The following KAZN variants were observed in gnomAD, a reference collection of about 807,000 sequenced individuals.
The protein encoded by KAZN is kazrin.
Under a neutral mutation model 87.4 loss-of-function variants are expected in KAZN, and 40 were observed. The observed-to-expected ratio is 0.46, with a 90% confidence interval of 0.36 to 0.60. The LOEUF (loss-of-function observed/expected upper bound fraction) is 0.60. Ranked by LOEUF, KAZN falls within the 20% of genes least tolerant of loss-of-function variation. The pLI is 0.00. For missense variants in KAZN, 898 were observed against 1,073.9 expected (o/e 0.84, Z 2.29); for synonymous variants, 466 against 458.3 (o/e 1.02, Z -0.22).
intron 2 of KAZN, among the ~76,000 whole-genome samples, chr1:15,001,115 A>T (rs955646479): frequency 6.6e-6 from 1 of 151,916 alleles, no homozygotes; most frequent in African/African-American, 2.4e-5. Flanking sequence ...AAAAATAAAT[A>T]AAAATCCCAG....
intron 1 of KAZN, among the ~76,000 whole-genome samples, chr1:14,824,063 G>A (rs1004919586): frequency 6.7e-6 from 1 of 149,292 alleles, no homozygotes; most frequent in Non-Finnish European, 1.5e-5. Flanking sequence ...GCAGTGAGCC[G>A]AGATTGCACC....
intron 1 of KAZN, among the ~76,000 whole-genome samples, chr1:14,121,398 G>T (rs902316473): frequency 6.6e-6 from 1 of 152,190 alleles, no homozygotes; most frequent in East Asian, 1.9e-4. Flanking sequence ...GGGCAGTGGG[G>T]CGGCGGGGGT....
chr1:14,061,075 C>T (rs574524420), intron 1 of KAZN, among the ~76,000 whole-genome samples: 3 of 152,072 alleles, frequency 2.0e-5, no homozygotes, highest in Non-Finnish European at 2.9e-5. Flanking sequence ...ACAATGGGTC[C>T]GAGAAGGGGA....
At chr1:15,048,422 A>ATGTGTGTGTGTGTGTGTGTGTGTG (rs111596883) in intron 4 of KAZN, among the ~76,000 whole-genome samples, 62 of 150,936 alleles carry the variant, frequency 4.1e-4, no homozygotes, top group South Asian at 2.9e-3. Flanking sequence ...ATGTGTGTGT[A>ATGTGTGTGTGTGTGTGTGTGTGTG]TGTGTGTGTG....
chr1:14,495,263 C>A (rs536139830), intron 2 of KAZN, among the ~76,000 whole-genome samples: 1 of 152,262 alleles, frequency 6.6e-6, no homozygotes, highest in Admixed American at 6.5e-5. Flanking sequence ...TTTACCCAGG[C>A]CTGGTGATTA....
chr1:14,217,852 A>C (rs1646992660), intron 2 of KAZN, among the ~76,000 whole-genome samples: 1 of 152,152 alleles, frequency 6.6e-6, no homozygotes, highest in Non-Finnish European at 1.5e-5. Flanking sequence ...ACTTTCCTAC[A>C]ACATTGCTTT....
At chr1:14,954,895 T>C (rs12070429) in intron 1 of KAZN, among the ~76,000 whole-genome samples, 11,749 of 152,144 alleles carry the variant, frequency 0.077, 1,536 homozygotes, top group African/African-American at 0.27. Context: ...GAGCTTGCAG[T>C]GAGCCAAGAT....
chr1:14,079,481 A>AAG (rs1335330987), intron 1 of KAZN, among the ~76,000 whole-genome samples: 8 of 152,210 alleles, frequency 5.3e-5, no homozygotes, highest in Admixed American at 6.5e-5. Context: ...TTGGCCAGCA[A>AAG]CTGTTCCAGA....
chr1:14,202,697 C>A (rs1646663883), intron 2 of KAZN, among the ~76,000 whole-genome samples: 1 of 152,076 alleles, frequency 6.6e-6, no homozygotes, highest in Admixed American at 6.5e-5. Flanking sequence ...GCATATATTA[C>A]AGGTAAGTCA....
At chr1:14,245,117 C>T (rs183324214) in intron 2 of KAZN, among the ~76,000 whole-genome samples, 7 of 152,094 alleles carry the variant, frequency 4.6e-5, no homozygotes, top group Admixed American at 3.3e-4. Context: ...CCCACCACCA[C>T]GCCTGGCTGA....
chr1:13,944,247 G>A (rs530856183), intron 1 of KAZN, among the ~76,000 whole-genome samples: 2 of 152,314 alleles, frequency 1.3e-5, no homozygotes, highest in East Asian at 1.9e-4. Flanking sequence ...AAAATAGCAC[G>A]CGACGTGAAA....
intron 1 of KAZN, among the ~76,000 whole-genome samples, chr1:14,064,143 C>A (rs1156253015): frequency 3.3e-5 from 5 of 152,116 alleles, no homozygotes; most frequent in African/African-American, 1.2e-4. Context: ...GTCTTGAACT[C>A]CTGACCTCAT....
chr1:14,066,350 G>A (rs182336459), intron 1 of KAZN, among the ~76,000 whole-genome samples: 28 of 152,180 alleles, frequency 1.8e-4, no homozygotes, highest in East Asian at 5.8e-4. Flanking sequence ...TGGGATTGCC[G>A]GATCGAACGG....
chr1:14,591,704 G>A (rs963495068), intron 2 of KAZN, among the ~76,000 whole-genome samples: 2 of 152,198 alleles, frequency 1.3e-5, no homozygotes, highest in African/African-American at 4.8e-5. Context: ...CCCAGCTTTA[G>A]ATGAGAGATT....
chr1:14,140,839 T>C (rs1645219296), intron 1 of KAZN, among the ~76,000 whole-genome samples: 1 of 152,106 alleles, frequency 6.6e-6, no homozygotes, highest in South Asian at 2.1e-4. Context: ...GGAGATCGGC[T>C]GGGAAGATGC....
chr1:14,043,918 GA>G (rs1345043946), intron 1 of KAZN, among the ~76,000 whole-genome samples: 1 of 152,182 alleles, frequency 6.6e-6, no homozygotes, highest in African/African-American at 2.4e-5. Context: ...TAGGGGCTGA[GA>G]AACAACAATG....
At chr1:14,415,384 G>A (rs1322885263) in intron 2 of KAZN, among the ~76,000 whole-genome samples, 2 of 152,150 alleles carry the variant, frequency 1.3e-5, no homozygotes, top group African/African-American at 2.4e-5. Context: ...TTGAGGGTTT[G>A]GGTAAATTTG....
chr1:15,076,793 C>T (rs990399439), intron 8 of KAZN, among the ~76,000 whole-genome samples: 14 of 152,344 alleles, frequency 9.2e-5, no homozygotes, highest in Non-Finnish European at 1.3e-4. Context: ...TGCACTGCCT[C>T]GCGAGCAAGC....
At chr1:14,550,853 C>T (rs560763836) in intron 2 of KAZN, among the ~76,000 whole-genome samples, 2 of 149,526 alleles carry the variant, frequency 1.3e-5, no homozygotes, top group South Asian at 4.3e-4. Context: ...AGGGGACAGT[C>T]CTCCCTTCCC....
Sources: gnomAD v4.1 joint callset for allele counts (sites outside exome capture counted in the v4.1 genomes callset) on GRCh38, gnomAD v4.1.1 for gene constraint, MANE v1.5 for transcripts, NCBI Gene and HGNC (gene_info 2026-07-23, HGNC 2026-07-21) for gene names.